THRB: variants seen among roughly 807,000 people sequenced by gnomAD.
The protein encoded by THRB is thyroid hormone receptor beta.
THRB carries 12 observed loss-of-function variants against 47.8 expected under a neutral mutation model. That is an observed-to-expected ratio of 0.25 (90% confidence interval 0.16 to 0.41). The LOEUF (loss-of-function observed/expected upper bound fraction) is 0.41, where lower values mean the gene tolerates loss of function less well. THRB is among the 10% of genes least tolerant of loss of function. THRB has a pLI of 1.00. For synonymous variants in THRB, 218 were observed against 212.2 expected, an observed-to-expected ratio of 1.03 and a Z score of -0.24; for missense variants, 348 against 589.2, an observed-to-expected ratio of 0.59 and a Z score of 4.24.
chr3:24,413,763 G>A (rs569348626), intron 1 of THRB, among the ~76,000 whole-genome samples: 1 of 151,720 alleles, frequency 6.6e-6, no homozygotes, highest in East Asian at 2.0e-4. Flanking sequence ...TCCCCACCCT[G>A]TGTCCAAGTG....
chr3:24,468,519 G>A (rs902971101), intron 1 of THRB, among the ~76,000 whole-genome samples: 2 of 152,184 alleles, frequency 1.3e-5, no homozygotes, highest in African/African-American at 4.8e-5. Context: ...TGAACACTTA[G>A]AGGCTATTGT....
At chr3:24,481,778 A>C (rs1485555437) in intron 1 of THRB, among the ~76,000 whole-genome samples, 3 of 151,952 alleles carry the variant, frequency 2.0e-5, no homozygotes, top group African/African-American at 7.3e-5. Flanking sequence ...TCAGACTGAA[A>C]CATAAGTGGG....
At chr3:24,467,395 T>C (rs952565064) in intron 1 of THRB, among the ~76,000 whole-genome samples, 1 of 152,246 alleles carries the variant, frequency 6.6e-6, no homozygotes, top group African/African-American at 2.4e-5. Flanking sequence ...CGAATATCCT[T>C]ATTGGCATGT....
chr3:24,411,848 G>T (rs887835316), intron 1 of THRB, among the ~76,000 whole-genome samples: 21 of 151,896 alleles, frequency 1.4e-4, no homozygotes, highest in African/African-American at 4.8e-4. Context: ...TGCCAAGGTT[G>T]AGAAACCCTG....
chr3:24,206,680 C>CA lies in THRB; in HGVS notation c.23-16347dup, dbSNP rs200014303. Among the ~76,000 whole-genome samples, 882 of 152,116 alleles carry CA rather than the reference C, an allele frequency of 5.8e-3. 8 individuals carry two copies. The highest frequency in any genetic ancestry group is 0.041 in the South Asian group (199 of 4,810). On this transcript the variant is annotated intron_variant, in intron 4 of 10. Coordinates refer to ENST00000646209, the MANE Select transcript of THRB (RefSeq NM_001354712.2). ...AGCAGAACTGAAGGAGATAGAGATA[C>CA]AAAAACCCTTCAAAAAATCAATGAA...
chr3:24,452,386 A>G (rs2072748089), intron 1 of THRB, among the ~76,000 whole-genome samples: 1 of 152,032 alleles, frequency 6.6e-6, no homozygotes, highest in Non-Finnish European at 1.5e-5. Context: ...CATGGTTCCC[A>G]TCCAACATTT....
intron 9 of THRB, among the ~76,000 whole-genome samples, chr3:24,128,356 C>T (rs1300757113): frequency 3.3e-5 from 5 of 152,172 alleles, no homozygotes; most frequent in African/African-American, 1.2e-4. Flanking sequence ...GAGCAGAATT[C>T]AGACCTCCTG....
chr3:24,408,729 A>G (rs1346441663), intron 1 of THRB, among the ~76,000 whole-genome samples: 1 of 151,848 alleles, frequency 6.6e-6, no homozygotes, highest in East Asian at 1.9e-4. Flanking sequence ...AGACCTTTAC[A>G]TCAACTAAAA....
At chr3:24,126,406 T>C (rs1041001462) in intron 10 of THRB, among the ~76,000 whole-genome samples, 2 of 152,126 alleles carry the variant, frequency 1.3e-5, no homozygotes, top group Non-Finnish European at 2.9e-5. Flanking sequence ...AATTTCCTAC[T>C]GAGTTAACCA....
At chr3:24,274,834 A>G (rs1217753812) in intron 3 of THRB, among the ~76,000 whole-genome samples, 1 of 152,166 alleles carries the variant, frequency 6.6e-6, no homozygotes, top group African/African-American at 2.4e-5. Flanking sequence ...TTTCACTTAC[A>G]TATCACATAT....
At position 24,190,121 on chromosome 3, in the gene THRB, C is replaced by A; in HGVS notation, c.236G>T (p.Ser79Ile). 1 of 1,614,078 alleles carries A rather than the reference C, an allele frequency of 6.2e-7. No homozygotes were observed. Among genetic ancestry groups the A allele is most frequent in the Non-Finnish European group, 8.5e-7 (1 of 1,179,948 alleles). Residue 79 changes from serine to isoleucine, a missense_variant, in exon 5 of 11, where the codon AGT (serine) becomes ATT (isoleucine). Ser to Ile is a moderately radical substitution (Grantham distance 142, BLOSUM62 -2). This residue lies in a region of THRB where 148 missense variants were observed against 122.3 expected (regional missense o/e 1.21). Transcript: ENST00000646209. ...HLDHDDVNDQ[S>I]VSSAQTFQTE... ...TTGGAAGGTCTGGGCACTTGAGACACTCTGGTCGTTCACATCATCATGGTC... is the reference window on the plus strand; with the variant it reads ...TTGGAAGGTCTGGGCACTTGAGACAATCTGGTCGTTCACATCATCATGGTC...
chr3:24,490,514 G>C (rs1198788036), intron 1 of THRB, among the ~76,000 whole-genome samples: 1 of 152,138 alleles, frequency 6.6e-6, no homozygotes, highest in African/African-American at 2.4e-5. Flanking sequence ...CTAGGCTATG[G>C]GGAGTCAAAG....
chr3:24,231,953 G>A (rs1227590344), intron 3 of THRB, among the ~76,000 whole-genome samples: 5 of 151,986 alleles, frequency 3.3e-5, no homozygotes, highest in African/African-American at 1.2e-4. Context: ...TGAGGAGGAA[G>A]GGTCAAGGAG....
intron 1 of THRB, among the ~76,000 whole-genome samples, chr3:24,468,307 C>T (rs1167969036): frequency 6.6e-6 from 1 of 152,200 alleles, no homozygotes; most frequent in African/African-American, 2.4e-5. Flanking sequence ...GGCTGTTTCA[C>T]TTTCTTATCA....
intron 4 of THRB, among the ~76,000 whole-genome samples, chr3:24,194,596 TTGAA>T (rs1226573443): frequency 6.6e-6 from 1 of 152,218 alleles, no homozygotes; most frequent in African/African-American, 2.4e-5. Flanking sequence ...GAGTTTAGGC[TTGAA>T]TGATTAGGTT....
chr3:24,340,871 A>T (rs1049926242), intron 1 of THRB, among the ~76,000 whole-genome samples: 1 of 152,174 alleles, frequency 6.6e-6, no homozygotes, highest in Admixed American at 6.5e-5. Flanking sequence ...GAATTCACAT[A>T]TATCTTGGGT....
chr3:24,132,196 T>C (rs2033965600), intron 9 of THRB, among the ~76,000 whole-genome samples: 1 of 152,180 alleles, frequency 6.6e-6, no homozygotes, highest in Non-Finnish European at 1.5e-5. Flanking sequence ...GGATCACTTA[T>C]CACTCAGCCT....
rs183627687 is a variant in THRB, at chr3:24,264,025, T to C, written c.-43+33201A>G. 4.6e-3 allele frequency among the ~76,000 whole-genome samples: 702 copies of C among 152,302 alleles called. 9 individuals carry two copies. The highest frequency in any genetic ancestry group is 0.015 in the African/African-American group (625 of 41,568). On this transcript the variant is annotated intron_variant, in intron 3 of 10. Coordinates refer to ENST00000646209, the MANE Select transcript of THRB (RefSeq NM_001354712.2). ...ATGTCTTACTGACATTAATGTCTAT[T>C]GGCCAAATTACATGTCAGTTCATTT...
chr3:24,414,849 A>G (rs2068614118), intron 1 of THRB, among the ~76,000 whole-genome samples: 1 of 151,896 alleles, frequency 6.6e-6, no homozygotes, highest in Admixed American at 6.6e-5. Context: ...GATTTCCTAG[A>G]AAATCTGTCT....
Sources: allele counts gnomAD v4.1 joint callset (sites outside exome capture counted in the v4.1 genomes callset), GRCh38; gene constraint gnomAD v4.1.1; regional missense constraint gnomAD v4.1.1; transcripts MANE v1.5; gene names NCBI Gene and HGNC (gene_info 2026-07-23, HGNC 2026-07-21).